TMEM74: variants seen among roughly 807,000 people sequenced by gnomAD.
The protein encoded by TMEM74 is transmembrane protein 74.
TMEM74 carries 13 observed loss-of-function variants against 18.1 expected under a neutral mutation model. The ratio of observed to expected loss-of-function variants is 0.72; its 90% confidence interval spans 0.47 to 1.14. The LOEUF is 1.14. TMEM74 is among the 50% of genes most tolerant of loss of function. TMEM74 has a pLI of 0.00. For synonymous variants in TMEM74, 159 were observed against 146.6 expected, an observed-to-expected ratio of 1.08 and a Z score of -0.61; for missense variants, 372 against 375.9, an observed-to-expected ratio of 0.99 and a Z score of 0.09.
chr8:108,660,633 C>T (rs1310860214), intron 1 of TMEM74, among the ~76,000 whole-genome samples: 1 of 152,128 alleles, frequency 6.6e-6, no homozygotes, highest in Non-Finnish European at 1.5e-5. Flanking sequence ...ACTGTTTAAA[C>T]CTACAGTTAG....
At chr8:108,748,867 C>T (rs780893813) in intron 1 of TMEM74, among the ~76,000 whole-genome samples, 21 of 152,016 alleles carry the variant, frequency 1.4e-4, no homozygotes, top group Non-Finnish European at 1.9e-4. Context: ...TTCCCCATTG[C>T]TTATTTTTGT....
intron 1 of TMEM74, among the ~76,000 whole-genome samples, chr8:108,697,631 G>A (rs539137325): frequency 1.8e-4 from 27 of 152,150 alleles, no homozygotes; most frequent in Admixed American, 4.6e-4. Flanking sequence ...TGTCCAGGCT[G>A]GTCTCATACA....
chr8:108,622,752 A>G (rs1017040134), intron 2 of TMEM74, among the ~76,000 whole-genome samples: 2 of 152,146 alleles, frequency 1.3e-5, no homozygotes, highest in African/African-American at 4.8e-5. Flanking sequence ...ATGGGAATCT[A>G]TCTGAATAAA....
chr8:108,743,915 A>G (rs1052061614), intron 1 of TMEM74, among the ~76,000 whole-genome samples: 3 of 152,174 alleles, frequency 2.0e-5, no homozygotes, highest in Admixed American at 6.6e-5. Context: ...TGTGAACTGC[A>G]GCCCACATGA....
chr8:108,765,521 C>G (rs1814096075), intron 1 of TMEM74, among the ~76,000 whole-genome samples: 1 of 149,568 alleles, frequency 6.7e-6, no homozygotes. Flanking sequence ...ATTCTCCTGC[C>G]TTAGCCTCCC....
chr8:108,668,639 G>C (rs147738497), intron 1 of TMEM74, among the ~76,000 whole-genome samples: 67 of 152,222 alleles, frequency 4.4e-4, no homozygotes, highest in African/African-American at 1.6e-3. Context: ...ACACACCCAA[G>C]GTAGAAGCAA....
intron 1 of TMEM74, among the ~76,000 whole-genome samples, chr8:108,670,119 A>G (rs1463841043): frequency 6.6e-6 from 1 of 151,196 alleles, no homozygotes; most frequent in Non-Finnish European, 1.5e-5. Flanking sequence ...CAGGAAAACT[A>G]TTCATAGTAT....
chr8:108,738,013 G>T (rs956382581), intron 1 of TMEM74, among the ~76,000 whole-genome samples: 22 of 152,012 alleles, frequency 1.4e-4, no homozygotes, highest in African/African-American at 5.3e-4. Context: ...AAACTACTCT[G>T]GTTTTTACTA....
intron 2 of TMEM74, among the ~76,000 whole-genome samples, chr8:108,631,099 A>T (rs895920755): frequency 6.6e-6 from 1 of 152,050 alleles, no homozygotes; most frequent in Non-Finnish European, 1.5e-5. Flanking sequence ...TGGGAAGAAC[A>T]CTACATGGAG....
At chr8:108,745,088 G>A (rs1380023063) in intron 1 of TMEM74, among the ~76,000 whole-genome samples, 1 of 152,120 alleles carries the variant, frequency 6.6e-6, no homozygotes, top group Non-Finnish European at 1.5e-5. Context: ...CATAAGATCT[G>A]CATTTAGTTT....
At chr8:108,642,517 T>C (rs773470986) in intron 2 of TMEM74, among the ~76,000 whole-genome samples, 83 of 152,280 alleles carry the variant, frequency 5.5e-4, no homozygotes, top group Non-Finnish European at 1.0e-3. Flanking sequence ...CTGCACACTT[T>C]CGACTTTATT....
intron 2 of TMEM74, among the ~76,000 whole-genome samples, chr8:108,637,103 C>A (rs145345407): frequency 6.6e-6 from 1 of 152,020 alleles, no homozygotes; most frequent in Non-Finnish European, 1.5e-5. Flanking sequence ...TCTTGACAAG[C>A]GAAAGTTCAA....
chr8:108,771,082 A>T (rs966774760), intron 1 of TMEM74, among the ~76,000 whole-genome samples: 18 of 152,172 alleles, frequency 1.2e-4, no homozygotes, highest in African/African-American at 3.9e-4. Context: ...TAACCTGGGG[A>T]GGTCAAGATA....
intron 2 of TMEM74, among the ~76,000 whole-genome samples, chr8:108,625,276 G>T (rs917110282): frequency 2.0e-5 from 3 of 152,050 alleles, no homozygotes; most frequent in Non-Finnish European, 4.4e-5. Context: ...GAACATGAAA[G>T]CAAGGTTCCA....
rs796557536 is a variant in TMEM74, at chr8:108,677,156, C to T, written n.120-21719G>A. ...AATTTTACTTAAATAAAATTTGTGA[C>T]GTGAATACAGTTTCTGGGAGAGAAT... On this transcript the variant is annotated intron_variant and non_coding_transcript_variant, in intron 1 of 3. Transcript: ENST00000518838. 6.6e-5 allele frequency among the ~76,000 whole-genome samples: 10 copies of T among 152,214 alleles called. 1 individual carries two copies. The highest frequency in any genetic ancestry group is 2.1e-4 in the South Asian group (1 of 4,830).
intron 3 of TMEM74, among the ~76,000 whole-genome samples, chr8:108,608,587 C>T (rs2130530916): frequency 6.6e-6 from 1 of 152,300 alleles, no homozygotes; most frequent in South Asian, 2.1e-4. Context: ...TAAACTAATA[C>T]TGGTTTAACC....
chr8:108,610,365 A>C (rs562921635), intron 2 of TMEM74, among the ~76,000 whole-genome samples: 57 of 152,320 alleles, frequency 3.7e-4, no homozygotes, highest in African/African-American at 1.3e-3. Flanking sequence ...TCATTCAATA[A>C]ATATTTATTA....
chr8:108,618,007 C>A lies in TMEM74; in HGVS notation n.265-9181G>T, dbSNP rs376271521. On this transcript the variant is annotated intron_variant and non_coding_transcript_variant, in intron 2 of 3. Transcript: ENST00000518838. ...GAATGATTCATCCCTATCTTTACTG[C>A]CTTGAAGAAAGATGAAGAAGAAACT... Among the ~76,000 whole-genome samples, 38 of 152,170 alleles carry A rather than the reference C, an allele frequency of 2.5e-4. 1 individual carries two copies. The South Asian group carries it at 5.2e-3, about 21-fold the overall frequency.
intron 2 of TMEM74, among the ~76,000 whole-genome samples, chr8:108,626,243 T>C (rs969778836): frequency 6.6e-6 from 1 of 152,074 alleles, no homozygotes; most frequent in Non-Finnish European, 1.5e-5. Context: ...TTTGTCTCTA[T>C]ATTGGAAAAA....
Sources: gnomAD v4.1 joint callset for allele counts (sites outside exome capture counted in the v4.1 genomes callset) on GRCh38, gnomAD v4.1.1 for gene constraint, MANE v1.5 for transcripts, NCBI Gene and HGNC (gene_info 2026-07-23, HGNC 2026-07-21) for gene names.